PHF20: variants seen among roughly 807,000 people sequenced by gnomAD.
PHF20 encodes glioma-expressed antigen 2.
In PHF20, 23 loss-of-function variants were observed where a neutral mutation model predicts 113.5. That is an observed-to-expected ratio of 0.20 (90% CI 0.15 to 0.29). The LOEUF (loss-of-function observed/expected upper bound fraction) is 0.29. Ranked by LOEUF, PHF20 falls within the 10% of genes least tolerant of loss-of-function variation. PHF20 has a pLI of 1.00. For synonymous variants in PHF20, 434 were observed against 457.3 expected (o/e 0.95, Z 0.65); for missense variants, 943 against 1,219.6 (o/e 0.77, Z 3.38).
At chr20:35,907,697 C>T (rs2055225642) in intron 10 of PHF20, among the ~76,000 whole-genome samples, 1 of 152,134 alleles carries the variant, frequency 6.6e-6, no homozygotes, top group Non-Finnish European at 1.5e-5. Context: ...ACTGTGGTCT[C>T]AGAGTGTGGT....
chr20:35,944,263 A>T (rs1205888555), intron 17 of PHF20, among the ~76,000 whole-genome samples: 1 of 152,154 alleles, frequency 6.6e-6, no homozygotes, highest in Admixed American at 6.5e-5. Context: ...AGCCTAACAG[A>T]CCTAGACAGA....
chr20:35,876,659 A>G (rs553906178), intron 9 of PHF20, among the ~76,000 whole-genome samples: 1 of 152,116 alleles, frequency 6.6e-6, no homozygotes, highest in East Asian at 2.0e-4. Flanking sequence ...AACAGAAGTT[A>G]GTAATTCCCC....
chr20:35,918,744 CT>C (rs2055453009), intron 13 of PHF20, among the ~76,000 whole-genome samples: 1 of 152,140 alleles, frequency 6.6e-6, no homozygotes, highest in African/African-American at 2.4e-5. Context: ...ATGCTCTCCC[CT>C]GGTCTAGTTG....
At chr20:35,894,200 T>C (rs748623960) in intron 9 of PHF20, among the ~76,000 whole-genome samples, 4 of 152,182 alleles carry the variant, frequency 2.6e-5, no homozygotes, top group Admixed American at 6.5e-5. Flanking sequence ...TGAAGACTGG[T>C]TGAAGAAATG....
intron 4 of PHF20, among the ~76,000 whole-genome samples, chr20:35,857,210 G>A (rs1478649962): frequency 6.6e-6 from 1 of 152,054 alleles, no homozygotes; most frequent in Non-Finnish European, 1.5e-5. Context: ...AATCCCTGGG[G>A]CAAAAATGGG....
At chr20:35,876,144 A>G (rs187643625) in intron 9 of PHF20, among the ~76,000 whole-genome samples, 63 of 152,324 alleles carry the variant, frequency 4.1e-4, no homozygotes, top group Non-Finnish European at 6.5e-4. Flanking sequence ...TCTATTTTCC[A>G]AGAGGGTTAA....
At chr20:35,813,001 C>T (rs2042003751) in intron 2 of PHF20, among the ~76,000 whole-genome samples, 1 of 152,178 alleles carries the variant, frequency 6.6e-6, no homozygotes, top group Non-Finnish European at 1.5e-5. Context: ...CAGAGTCTCC[C>T]TCTGTCGCCC....
chr20:35,894,917 A>G (rs1479335910), intron 9 of PHF20, among the ~76,000 whole-genome samples: 1 of 152,186 alleles, frequency 6.6e-6, no homozygotes, highest in African/African-American at 2.4e-5. Context: ...GTGCAATGGC[A>G]CAATCTCGGC....
At chr20:35,903,366 T>A (rs1226098972) in intron 10 of PHF20, among the ~76,000 whole-genome samples, 1 of 152,198 alleles carries the variant, frequency 6.6e-6, no homozygotes, top group African/African-American at 2.4e-5. Context: ...AAAGGTTTTT[T>A]AAGTCCTTAT....
intron 2 of PHF20, among the ~76,000 whole-genome samples, chr20:35,830,141 C>G (rs541779253): frequency 2.0e-4 from 31 of 151,426 alleles, no homozygotes; most frequent in African/African-American, 7.5e-4. Flanking sequence ...CTCAAACTCC[C>G]GAGTTCAGGC....
chr20:35,887,873 T>A (rs2054766621), intron 9 of PHF20: 1 of 148,806 alleles, frequency 6.7e-6, no homozygotes, highest in Non-Finnish European at 1.5e-5. Context: ...AGAGATTATA[T>A]CAGGGCGTGA....
In PHF20 at chr20:35,931,422, C is replaced by T; in HGVS notation, c.2278C>T (p.Gln760Ter). The T allele has an allele frequency of 1.2e-6, 2 of 1,612,582 alleles. No homozygotes were observed. Among genetic ancestry groups the T allele is most frequent in the Middle Eastern group, 1.7e-4 (1 of 6,016 alleles). The change falls in exon 15 of 18, where the codon CAG becomes TAG. Residue 760 changes from glutamine (Q) to a stop codon, truncating the protein, a stop_gained. Coordinates refer to ENST00000374012, the MANE Select transcript of PHF20 (RefSeq NM_016436.5). LOFTEE classifies it high-confidence loss of function. ...QRVIEVLHGL[Q>*]LKMSILQSRE... ...AGTGATTGAGGTTCTGCATGGCCTG[C>T]AGCTCAAGATGAGCATCTTGCAGTA...
At chr20:35,876,734 G>A (rs1464794634) in intron 9 of PHF20, among the ~76,000 whole-genome samples, 1 of 151,704 alleles carries the variant, frequency 6.6e-6, no homozygotes, top group East Asian at 1.9e-4. Flanking sequence ...ACTTTGGGAG[G>A]CCAAGACGGG....
At chr20:35,811,576 C>T (rs1047811184) in intron 2 of PHF20, among the ~76,000 whole-genome samples, 5 of 151,272 alleles carry the variant, frequency 3.3e-5, no homozygotes, top group African/African-American at 4.9e-5. Context: ...CCAAGCAGCT[C>T]GGATTACATG....
At chr20:35,865,839 C>CA (rs1476299240) in intron 6 of PHF20, among the ~76,000 whole-genome samples, 1 of 152,040 alleles carries the variant, frequency 6.6e-6, no homozygotes, top group African/African-American at 2.4e-5. Context: ...GTAAAAAATT[C>CA]AAAATTGGCC....
intron 2 of PHF20, among the ~76,000 whole-genome samples, chr20:35,839,032 T>C (rs2042494282): frequency 6.8e-6 from 1 of 147,152 alleles, no homozygotes; most frequent in Admixed American, 6.9e-5. Context: ...GTAAAGAAAA[T>C]TTCCTGCCTT....
At chr20:35,828,509 C>T (rs2146914555) in intron 2 of PHF20, among the ~76,000 whole-genome samples, 1 of 152,294 alleles carries the variant, frequency 6.6e-6, no homozygotes, top group Middle Eastern at 3.4e-3. Context: ...CTAGTTTAAG[C>T]ACGTGCACGG....
chr20:35,799,224 C>T (rs561352013), intron 1 of PHF20, among the ~76,000 whole-genome samples: 2 of 148,582 alleles, frequency 1.3e-5, no homozygotes, highest in East Asian at 2.0e-4. Flanking sequence ...CTTTGGGAGG[C>T]CCAGGCGGGA....
intron 6 of PHF20, among the ~76,000 whole-genome samples, chr20:35,863,846 A>C (rs146209461): frequency 1.3e-5 from 2 of 152,184 alleles, no homozygotes; most frequent in Admixed American, 1.3e-4. Context: ...AAACTAGAAA[A>C]GCATGGGTGC....
Sources: allele counts gnomAD v4.1 joint callset (sites outside exome capture counted in the v4.1 genomes callset), GRCh38; gene constraint gnomAD v4.1.1; transcripts MANE v1.5; gene names NCBI Gene and HGNC (gene_info 2026-07-23, HGNC 2026-07-21).